Variants in VCF2 observed in about 807,000 individuals in gnomAD.
VCF2 encodes the protein protein VCF2.
the VCF2 span, among the ~76,000 whole-genome samples, chrX:55,144,320 T>G: frequency 2.7e-5 from 3 of 111,685 alleles, no homozygotes; most frequent in Non-Finnish European, 5.6e-5. Flanking sequence ...TTAGAGAAAC[T>G]GGTGGCTAGG....
chrX:55,157,078 T>C, the VCF2 span, among the ~76,000 whole-genome samples: 1 of 112,491 alleles, frequency 8.9e-6, no homozygotes, highest in Admixed American at 9.4e-5. Context: ...CATTTTGCCA[T>C]AGGGTTTAAA....
chrX:55,145,790 A>G, the VCF2 span: 2 of 848,315 alleles, frequency 2.4e-6, no homozygotes, highest in Non-Finnish European at 2.9e-6. Context: ...TGAATTGGAC[A>G]TATGGCTTCA....
At chrX:55,143,752 TCTC>T in the VCF2 span, 1 of 1,079,609 alleles carries the variant, frequency 9.3e-7, no homozygotes, top group African/African-American at 1.8e-5. Flanking sequence ...TGAAAATACT[TCTC>T]CTTCATAGCG....
chrX:55,159,133 G>GT, the VCF2 span: 1 of 1,200,630 alleles, frequency 8.3e-7, no homozygotes, highest in East Asian at 3.0e-5. Flanking sequence ...TGCTACCTCT[G>GT]TATCTTGAGA....
At chrX:55,158,595 T>C in the VCF2 span, among the ~76,000 whole-genome samples, 3 of 111,788 alleles carry the variant, frequency 2.7e-5, no homozygotes, top group South Asian at 1.1e-3. Flanking sequence ...GGTAGCCCAA[T>C]TACCCTGATT....
At chrX:55,148,842 C>T in the VCF2 span, among the ~76,000 whole-genome samples, 3 of 111,527 alleles carry the variant, frequency 2.7e-5, no homozygotes, top group African/African-American at 9.7e-5. Flanking sequence ...CTTGTATTTT[C>T]AGCTTTCTCT....
the VCF2 span, among the ~76,000 whole-genome samples, chrX:55,153,844 T>G: frequency 8.9e-6 from 1 of 112,042 alleles, no homozygotes; most frequent in Non-Finnish European, 1.9e-5. Context: ...ACCGAGATTT[T>G]GGGAAGAGGG....
At chrX:55,154,025 T>G in the VCF2 span, among the ~76,000 whole-genome samples, 1 of 112,735 alleles carries the variant, frequency 8.9e-6, no homozygotes, top group Non-Finnish European at 1.9e-5. Flanking sequence ...ATGGACCGTT[T>G]ATCAGAATGA....
the VCF2 span, among the ~76,000 whole-genome samples, chrX:55,148,173 T>C: frequency 9.1e-6 from 1 of 110,288 alleles, no homozygotes; most frequent in Non-Finnish European, 1.9e-5. Flanking sequence ...GAGTAAACCA[T>C]TTAAAAAATT....
the VCF2 span, among the ~76,000 whole-genome samples, chrX:55,146,657 A>C: frequency 1.8e-5 from 2 of 112,441 alleles, no homozygotes; most frequent in Non-Finnish European, 3.8e-5. Flanking sequence ...CAGAGAAGTA[A>C]GTACTCATCC....
chrX:55,160,902 G>A, the VCF2 span: 18 of 1,158,250 alleles, frequency 1.6e-5, no homozygotes, highest in East Asian at 6.5e-5. Flanking sequence ...AGAAGGCTTC[G>A]CGGGATTTTT....
At chrX:55,146,555 G>A in the VCF2 span, among the ~76,000 whole-genome samples, 5 of 111,949 alleles carry the variant, frequency 4.5e-5, no homozygotes, top group African/African-American at 1.6e-4. Context: ...CTACGAAGTG[G>A]CAGGGTGAGG....
chrX:55,151,947 A>G, the VCF2 span, among the ~76,000 whole-genome samples: 1 of 83,491 alleles, frequency 1.2e-5, no homozygotes, highest in Admixed American at 1.7e-4. Context: ...GCTGGAGTGC[A>G]GTGGCGGGAT....
chrX:55,143,276 A>G, the VCF2 span: 1 of 112,190 alleles, frequency 8.9e-6, no homozygotes, highest in Non-Finnish European at 1.9e-5. Flanking sequence ...AACAAAGACA[A>G]TTAACATGTC....
the VCF2 span, chrX:55,160,869 A>G: frequency 5.2e-6 from 6 of 1,157,018 alleles, no homozygotes; most frequent in South Asian, 1.9e-5. Flanking sequence ...ACTGACAACC[A>G]AAGAACCAGC....
the VCF2 span, among the ~76,000 whole-genome samples, chrX:55,155,263 T>C: frequency 8.9e-6 from 1 of 112,155 alleles, no homozygotes; most frequent in African/African-American, 3.2e-5. Context: ...AACAGGTATT[T>C]GAGCATAAGA....
chrX:55,153,152 C>T, the VCF2 span, among the ~76,000 whole-genome samples: 1 of 111,412 alleles, frequency 9.0e-6, no homozygotes, highest in South Asian at 3.8e-4. Flanking sequence ...GCAAGCTATA[C>T]CCCGACCACC....
At chrX:55,156,792 T>C in the VCF2 span, among the ~76,000 whole-genome samples, 1 of 111,650 alleles carries the variant, frequency 9.0e-6, no homozygotes, top group Non-Finnish European at 1.9e-5. Context: ...CAACTCACCT[T>C]GTTTCAATTC....
chrX:55,147,821 T>C, the VCF2 span, among the ~76,000 whole-genome samples: 117 of 110,228 alleles, frequency 1.1e-3, no homozygotes, highest in African/African-American at 3.6e-3. Flanking sequence ...GGGATTTCTT[T>C]AGAATAATTA....
Sources: allele counts gnomAD v4.1 joint callset (sites outside exome capture counted in the v4.1 genomes callset), GRCh38; gene constraint gnomAD v4.1.1; transcripts MANE v1.5; gene names NCBI Gene and HGNC (gene_info 2026-07-23, HGNC 2026-07-21).